Variants in DNAH17 observed in about 807,000 individuals in gnomAD.
DNAH17 encodes axonemal beta dynein heavy chain 17.
In DNAH17, 376 loss-of-function variants were observed where a neutral mutation model predicts 485.6. The ratio of observed to expected loss-of-function variants is 0.77; its 90% confidence interval spans 0.71 to 0.84. The LOEUF is 0.84. Among genes scored for constraint, DNAH17 ranks in the 40% least tolerant of loss-of-function variants. The pLI is 0.00. For missense variants in DNAH17, 6,370 were observed against 5,839.3 expected, an observed-to-expected ratio of 1.09 and a Z score of -2.96; for synonymous variants, 3,031 against 2,405.9, an observed-to-expected ratio of 1.26 and a Z score of -7.60.
chr17:78,473,180 A>G (rs940710229), intron 54 of DNAH17, among the ~76,000 whole-genome samples: 9 of 152,216 alleles, frequency 5.9e-5, no homozygotes, highest in Non-Finnish European at 1.2e-4. Context: ...TAGCTCCCCC[A>G]ATACAATTCA....
At chr17:78,467,979 T>C (rs1048131068) in intron 55 of DNAH17, among the ~76,000 whole-genome samples, 15 of 149,394 alleles carry the variant, frequency 1.0e-4, no homozygotes, top group African/African-American at 2.5e-4. Flanking sequence ...GATCACGCCA[T>C]TGCACTCCAG....
At chr17:78,561,053 G>A (rs539378613) in intron 12 of DNAH17, 118 bp from the exon 13 acceptor site, 31 of 906,006 alleles carry the variant, frequency 3.4e-5, no homozygotes, top group African/African-American at 1.6e-4. Flanking sequence ...CCAATTACTC[G>A]AGGCTCACAG....
intron 13 of DNAH17, among the ~76,000 whole-genome samples, chr17:78,560,372 G>A (rs938594161): frequency 1.3e-5 from 2 of 152,056 alleles, no homozygotes; most frequent in East Asian, 1.9e-4. Context: ...TGAACTTTCC[G>A]GGTTTTAGCC....
chr17:78,511,035 C>T (rs1326920044), intron 26 of DNAH17, among the ~76,000 whole-genome samples: 2 of 152,216 alleles, frequency 1.3e-5, no homozygotes, highest in East Asian at 3.9e-4. Context: ...GACCCTCCCC[C>T]GGAGCCTCTA....
At position 78,455,967 on chromosome 17, in the gene DNAH17, G is replaced by GA; in HGVS notation, c.9978-132dup. On this transcript the variant is annotated intron_variant, in intron 62 of 80. Transcript: ENST00000389840. ...GCACCTGGCTCAGTGGCTCAATGAT[G>GA]AAAATGCTTTTGGGAGGAAATGCTT... 5.3e-6 allele frequency: 4 copies of GA among 759,868 alleles called. No individual in the cohort carries two copies. In the South Asian group the frequency reaches 1.0e-4, roughly 20 times the overall value. The allele number at this position is 759,868 out of a possible 1,614,324, so 47.1% of individuals were successfully genotyped here.
chr17:78,545,932 G>A (rs1011512803), intron 16 of DNAH17, among the ~76,000 whole-genome samples: 2 of 151,792 alleles, frequency 1.3e-5, no homozygotes, highest in Non-Finnish European at 2.9e-5. Flanking sequence ...ATGTATGTAT[G>A]CAAGGATGTA....
intron 79 of DNAH17, 82 bp downstream of exon 79, chr17:78,426,374 AG>A: frequency 7.0e-7 from 1 of 1,428,902 alleles, no homozygotes. Context: ...ATGCTCCTGC[AG>A]GCTCTAGGGT....
chr17:78,444,467 T>C, intron 71 of DNAH17, 137 bp downstream of exon 71: 1 of 804,048 alleles, frequency 1.2e-6, no homozygotes, highest in East Asian at 3.0e-5. Flanking sequence ...CCTGTTTCGT[T>C]TCTGTGTAAA....
chr17:78,551,445 A>C (rs1181832683), intron 16 of DNAH17, 90 bp downstream of exon 16: 15 of 1,189,660 alleles, frequency 1.3e-5, no homozygotes, highest in African/African-American at 7.5e-5. Context: ...ACATCGCAGC[A>C]CTTTCCATGG....
intron 16 of DNAH17, 52 bp from the exon 17 acceptor site, chr17:78,544,049 A>T: frequency 3.1e-6 from 5 of 1,611,800 alleles, no homozygotes; most frequent in Admixed American, 1.7e-5. Context: ...AACTGCTTTC[A>T]GTCGCAGTCC....
chr17:78,535,884 C>T (rs1210133492), intron 19 of DNAH17, among the ~76,000 whole-genome samples: 1 of 152,220 alleles, frequency 6.6e-6, no homozygotes, highest in Non-Finnish European at 1.5e-5. Flanking sequence ...CCACTCCCCT[C>T]TTCCACAAAC....
intron 11 of DNAH17, among the ~76,000 whole-genome samples, chr17:78,563,268 G>A (rs1381589163): frequency 6.6e-6 from 1 of 152,110 alleles, no homozygotes; most frequent in African/African-American, 2.4e-5. Flanking sequence ...TTGTACAAAT[G>A]GAGCAGCCGT....
chr17:78,543,954 T>C lies in DNAH17; in HGVS notation c.2435A>G (p.Lys812Arg). ...NPLFERKDNK[K>R]EALLDLDGRI... ...TCCATCCAAGTCTAACAGGGCCTCTTTCTTATTGTCCTTTCTTTCAAACAG... is the reference window on the plus strand; with the variant it reads ...TCCATCCAAGTCTAACAGGGCCTCTCTCTTATTGTCCTTTCTTTCAAACAG... Residue 812 changes from lysine (K) to arginine (R), a missense_variant, in exon 17 of 81, where the codon AAA (lysine) becomes AGA (arginine). Transcript: ENST00000389840. 6.2e-7 allele frequency: 1 copy of C among 1,614,028 alleles called. No homozygotes were observed. The highest frequency in any genetic ancestry group is 8.5e-7 in the Non-Finnish European group (1 of 1,179,884).
At chr17:78,545,544 T>G (rs1431129304) in intron 16 of DNAH17, among the ~76,000 whole-genome samples, 1 of 152,118 alleles carries the variant, frequency 6.6e-6, no homozygotes, top group Non-Finnish European at 1.5e-5. Context: ...TCATGTCTGT[T>G]GCTATAAGGG....
intron 34 of DNAH17, 176 bp from the exon 35 acceptor site, chr17:78,501,520 T>C (rs1232197084): frequency 2.0e-6 from 2 of 987,628 alleles, no homozygotes; most frequent in Non-Finnish European, 1.4e-6. Context: ...GGAATCTCGC[T>C]ACAGAATGGC....
rs368586918 is a variant in DNAH17 at position 78,507,293 on chromosome 17, T to G, written c.4661A>C (p.Glu1554Ala). 2.4e-5 allele frequency: 38 copies of G among 1,614,010 alleles called. No individual in the cohort carries two copies. In the African/African-American group the frequency reaches 3.9e-4, roughly 16 times the overall value. Residue 1554 changes from glutamate to alanine, a missense_variant, in exon 29 of 81, where the codon GAG (glutamate) becomes GCG (alanine). Glu to Ala is a moderately radical substitution (Grantham distance 107, BLOSUM62 -1). Transcript: ENST00000389840. Reference sequence around the variant, plus strand: ...TGAGCCGCACCTCTTCTTCAGGGCCTCCAGTTTATTGTAGAGGCCGGGTTT... The same window carrying G: ...TGAGCCGCACCTCTTCTTCAGGGCCGCCAGTTTATTGTAGAGGCCGGGTTT... ...TSKPGLYNKL[E>A]ALKKSLAICE...
chr17:78,454,558 G>GCGGCCACCGCT lies in DNAH17; in HGVS notation c.10307_10317dup (p.Leu3440SerfsTer5), dbSNP rs1230516070. Reference sequence around the variant, plus strand: ...CCTTGGAGCTGGGCGTCCACGATCAGCGGCCACCGCTCGGTGTTGCCCAGG... The same window carrying GCGGCCACCGCT: ...CCTTGGAGCTGGGCGTCCACGATCAGCGGCCACCGCTCGGCCACCGCTCGGTGTTGCCCAGG... On this transcript the variant is annotated frameshift_variant, in exon 64 of 81. Transcript: ENST00000389840. LOFTEE classifies it high-confidence loss of function. 1 of 1,613,192 alleles carries GCGGCCACCGCT rather than the reference G, an allele frequency of 6.2e-7. No individual in the cohort carries two copies. The highest frequency in any genetic ancestry group is 8.5e-7 in the Non-Finnish European group (1 of 1,179,850).
In DNAH17 at chr17:78,445,665, T is replaced by A. The variant is rs1322111783; in HGVS notation, c.11227A>T (p.Lys3743Ter). 1.9e-6 allele frequency: 3 copies of A among 1,584,818 alleles called. No individual in the cohort carries two copies. The highest frequency in any genetic ancestry group is 2.6e-6 in the Non-Finnish European group (3 of 1,165,730). ...TCCAGCTCCACTGGGTTCAGCTCCT[T>A]CTTCATGGACAGGACCTGGGGGAAC... ...QVTFQVLSMK[K>*]ELNPVELDFL... is the part of the protein sequence containing the mutation. The change falls in exon 70 of 81, where the codon AAG becomes TAG. Residue 3743 changes from lysine to a stop codon, truncating the protein, a stop_gained. Transcript: ENST00000389840. LOFTEE classifies it high-confidence loss of function.
At chr17:78,574,528 A>C (rs973085291) in intron 2 of DNAH17, among the ~76,000 whole-genome samples, 185 bp downstream of exon 2, 4 of 151,900 alleles carry the variant, frequency 2.6e-5, no homozygotes, top group Non-Finnish European at 5.9e-5. Flanking sequence ...TTTAAAAACC[A>C]AAAGCAAGCA....
Sources: allele counts gnomAD v4.1 joint callset (sites outside exome capture counted in the v4.1 genomes callset), GRCh38; gene constraint gnomAD v4.1.1; transcripts MANE v1.5; gene names NCBI Gene and HGNC (gene_info 2026-07-23, HGNC 2026-07-21).